SORCS1: variants seen among roughly 807,000 people sequenced by gnomAD.
SORCS1 encodes the protein sortilin related VPS10 domain containing receptor 1, also known as VPS10 domain-containing receptor SorCS1.
In SORCS1, 60 loss-of-function variants were observed where a neutral mutation model predicts 146.1. That is an observed-to-expected ratio of 0.41 (90% CI 0.33 to 0.51). SORCS1 has a LOEUF of 0.51. SORCS1 is among the 20% of genes least tolerant of loss of function. The pLI is 0.21. For synonymous variants in SORCS1, 637 were observed against 584.0 expected (o/e 1.09, Z -1.31); for missense variants, 1,352 against 1,487.6 (o/e 0.91, Z 1.50).
intron 19 of SORCS1, among the ~76,000 whole-genome samples, chr10:106,622,215 G>A (rs185294557): frequency 8.7e-5 from 13 of 149,820 alleles, no homozygotes; most frequent in Middle Eastern, 3.5e-3. Context: ...GCTTGAATCC[G>A]GGAAGCAGAG....
At chr10:106,713,871 A>G (rs1855171446) in intron 6 of SORCS1, among the ~76,000 whole-genome samples, 2 of 152,222 alleles carry the variant, frequency 1.3e-5, no homozygotes, top group Admixed American at 6.5e-5. Flanking sequence ...ACAAAATAAG[A>G]ACACCTTAAT....
chr10:107,140,254 AC>A (rs552243084), intron 1 of SORCS1, among the ~76,000 whole-genome samples: 48 of 152,376 alleles, frequency 3.2e-4, no homozygotes, highest in African/African-American at 1.1e-3. Context: ...TGAGTTTACC[AC>A]AACATCACAA....
chr10:106,989,375 C>T (rs1956645831), intron 1 of SORCS1, among the ~76,000 whole-genome samples: 1 of 151,634 alleles, frequency 6.6e-6, no homozygotes, highest in African/African-American at 2.4e-5. Flanking sequence ...CTGCCAGGTC[C>T]ACTAACAGCA....
intron 1 of SORCS1, among the ~76,000 whole-genome samples, chr10:107,124,515 T>C (rs1966591783): frequency 1.3e-5 from 2 of 152,096 alleles, no homozygotes; most frequent in Non-Finnish European, 2.9e-5. Context: ...AAAATGCTCT[T>C]AACTGAGCAC....
intron 2 of SORCS1, among the ~76,000 whole-genome samples, chr10:106,864,398 C>A (rs1950149139): frequency 6.6e-6 from 1 of 152,204 alleles, no homozygotes; most frequent in South Asian, 2.1e-4. Flanking sequence ...GTCAGAAGAT[C>A]CCCATGTGAA....
intron 2 of SORCS1, among the ~76,000 whole-genome samples, chr10:106,838,469 G>T (rs1264239307): frequency 2.6e-5 from 4 of 152,068 alleles, no homozygotes; most frequent in Admixed American, 2.6e-4. Flanking sequence ...TTACATTAGG[G>T]TACATTCTTG....
In SORCS1 at chr10:106,957,165, G is replaced by T. The variant is rs12762803; in HGVS notation, c.559-585C>A. Among the ~76,000 whole-genome samples, 55 of 138,026 alleles carry T rather than the reference G, an allele frequency of 4.0e-4. 1 individual carries two copies. The highest frequency in any genetic ancestry group is 5.8e-4 in the Admixed American group (8 of 13,858). The allele number at this position is 138,026 out of a possible 152,430, so 90.6% of individuals were successfully genotyped here. Reference sequence around the variant, plus strand: ...ATCTATTAGCATGTGGTTTTTTTTTGTTTTTTTTGTTTTTTTTTTTGGAGA... The same window carrying T: ...ATCTATTAGCATGTGGTTTTTTTTTTTTTTTTTTGTTTTTTTTTTTGGAGA... On this transcript the variant is annotated intron_variant, in intron 1 of 25. Coordinates refer to ENST00000263054, the MANE Select transcript of SORCS1 (RefSeq NM_052918.5).
intron 24 of SORCS1, among the ~76,000 whole-genome samples, chr10:106,592,325 G>A (rs1412923018): frequency 1.3e-5 from 2 of 152,298 alleles, no homozygotes; most frequent in East Asian, 1.9e-4. Flanking sequence ...CAAATGGAAC[G>A]TGTTGGTGGG....
intron 1 of SORCS1, among the ~76,000 whole-genome samples, chr10:107,077,263 T>C (rs1359576353): frequency 5.9e-5 from 9 of 152,154 alleles, no homozygotes; most frequent in Non-Finnish European, 8.8e-5. Flanking sequence ...ATCCTCAACA[T>C]TGAATACCAT....
chr10:107,145,007 C>T (rs1269613058), intron 1 of SORCS1, among the ~76,000 whole-genome samples: 1 of 152,224 alleles, frequency 6.6e-6, no homozygotes, highest in Non-Finnish European at 1.5e-5. Flanking sequence ...ATGCATGGTG[C>T]TATTTAATCT....
chr10:107,045,163 G>A lies in SORCS1; in HGVS notation c.559-88583C>T, dbSNP rs377094255. Reference sequence around the variant, plus strand: ...CAATGGGGAACTGCTAAAGGGGAGCGATCCAATCAGACTTTTGTTTTAGGA... The same window carrying A: ...CAATGGGGAACTGCTAAAGGGGAGCAATCCAATCAGACTTTTGTTTTAGGA... On this transcript the variant is annotated intron_variant, in intron 1 of 25. Coordinates refer to ENST00000263054, the MANE Select transcript of SORCS1 (RefSeq NM_052918.5). Among the ~76,000 whole-genome samples the A allele has an allele frequency of 7.7e-4, 118 of 152,264 alleles. 3 individuals carry two copies. The South Asian group carries it at 0.022, about 29-fold the overall frequency.
chr10:106,616,118 T>A (rs2133453981), intron 21 of SORCS1, among the ~76,000 whole-genome samples: 1 of 152,304 alleles, frequency 6.6e-6, no homozygotes, highest in Non-Finnish European at 1.5e-5. Context: ...AGAATGACTT[T>A]AAGCCAGTAA....
At chr10:106,665,006 C>T (rs891208012) in intron 17 of SORCS1, among the ~76,000 whole-genome samples, 2 of 151,972 alleles carry the variant, frequency 1.3e-5, no homozygotes, top group Non-Finnish European at 2.9e-5. Flanking sequence ...CTCACTGACC[C>T]ATTGCTATAA....
intron 2 of SORCS1, among the ~76,000 whole-genome samples, chr10:106,867,691 G>A (rs1173349244): frequency 6.6e-6 from 1 of 152,060 alleles, no homozygotes; most frequent in African/African-American, 2.4e-5. Context: ...ATAAGCAAAT[G>A]TTGAGTGAGC....
Position 106,606,274 on chromosome 10 carries a change from TACACACACACACACACACACACAC to T in SORCS1, c.3165+868_3165+891del, listed in dbSNP as rs6144077. 5.7e-3 allele frequency among the ~76,000 whole-genome samples: 793 copies of T among 139,066 alleles called. 7 individuals carry two copies. Among genetic ancestry groups the T allele is most frequent in the Middle Eastern group, 0.014 (4 of 280 alleles). The allele number at this position is 139,066 out of a possible 152,430, so 91.2% of individuals were successfully genotyped here. A position where few individuals can be genotyped will look rare whatever the true frequency, so the allele number is the denominator to read the frequency against. On this transcript the variant is annotated intron_variant, in intron 23 of 25. Transcript: ENST00000263054. Reference sequence around the variant, plus strand: ...AATCACACAAATACACACACAGATATACACACACACACACACACACACACACACACACACACACACACACACACT... The same window carrying T: ...AATCACACAAATACACACACAGATATACACACACACACACACACACACACT...
intron 1 of SORCS1, among the ~76,000 whole-genome samples, chr10:107,160,557 C>T (rs1266992137): frequency 6.6e-6 from 1 of 152,178 alleles, no homozygotes; most frequent in East Asian, 1.9e-4. Context: ...ACACAGAAAT[C>T]AAGCAGTCCA....
intron 8 of SORCS1, among the ~76,000 whole-genome samples, chr10:106,702,246 A>G (rs933474936): frequency 2.0e-5 from 3 of 152,178 alleles, no homozygotes; most frequent in African/African-American, 7.2e-5. Flanking sequence ...CTTGGCCTTG[A>G]GAAACATCAA....
chr10:107,067,444 C>T lies in SORCS1; in HGVS notation c.558+96525G>A, dbSNP rs115967103. 9.8e-3 allele frequency among the ~76,000 whole-genome samples: 1,484 copies of T among 152,112 alleles called. 30 individuals carry two copies. The highest frequency in any genetic ancestry group is 0.034 in the African/African-American group (1,422 of 41,486). ...TGCAAAACTGCAGGTAGCAACAGTCCCTTTGAAATGGAAAATAAATTAGTT... is the reference window on the plus strand; with the variant it reads ...TGCAAAACTGCAGGTAGCAACAGTCTCTTTGAAATGGAAAATAAATTAGTT... On this transcript the variant is annotated intron_variant, in intron 1 of 25. Coordinates refer to ENST00000263054, the MANE Select transcript of SORCS1 (RefSeq NM_052918.5).
intron 1 of SORCS1, among the ~76,000 whole-genome samples, chr10:107,126,510 C>A (rs1043350539): frequency 6.6e-6 from 1 of 152,134 alleles, no homozygotes; most frequent in Non-Finnish European, 1.5e-5. Context: ...TTCCTGTTGA[C>A]CTTTAAAAGA....
Sources: allele counts gnomAD v4.1 joint callset (sites outside exome capture counted in the v4.1 genomes callset), GRCh38; gene constraint gnomAD v4.1.1; transcripts MANE v1.5; gene names NCBI Gene and HGNC (gene_info 2026-07-23, HGNC 2026-07-21).